PEX5L: variants seen among roughly 807,000 people sequenced by gnomAD.
PEX5L encodes the protein peroxisomal biogenesis factor 5 like, also known as PEX5-related protein.
PEX5L carries 30 observed loss-of-function variants against 84.0 expected under a neutral mutation model. The observed-to-expected ratio is 0.36, with a 90% confidence interval of 0.27 to 0.48. The LOEUF is 0.48. PEX5L is among the 20% of genes least tolerant of loss of function. The probability of loss-of-function intolerance (pLI) is 0.99; values close to 1 mark genes in which losing one functional copy is unlikely to be tolerated. For missense variants in PEX5L, 533 were observed against 754.6 expected (o/e 0.71, Z 3.44); for synonymous variants, 270 against 283.1 (o/e 0.95, Z 0.46).
intron 2 of PEX5L, among the ~76,000 whole-genome samples, chr3:179,961,348 A>C (rs1424875483): frequency 8.3e-6 from 1 of 120,316 alleles, no homozygotes; most frequent in Non-Finnish European, 1.7e-5. Context: ...GAGAAAAGGA[A>C]GAAAGCAATG....
chr3:179,845,462 T>G (rs1326836001), intron 8 of PEX5L, among the ~76,000 whole-genome samples: 1 of 152,210 alleles, frequency 6.6e-6, no homozygotes, highest in Non-Finnish European at 1.5e-5. Flanking sequence ...CCATTAAAGG[T>G]AGCTCTGCCC....
intron 10 of PEX5L, among the ~76,000 whole-genome samples, chr3:179,814,234 C>T (rs1725169129): frequency 6.6e-6 from 1 of 152,194 alleles, no homozygotes; most frequent in Admixed American, 6.5e-5. Flanking sequence ...GATCAGTTTA[C>T]TCATTCTTCC....
At chr3:179,838,122 T>C (rs1232855792) in intron 8 of PEX5L, among the ~76,000 whole-genome samples, 1 of 152,244 alleles carries the variant, frequency 6.6e-6, no homozygotes, top group African/African-American at 2.4e-5. Flanking sequence ...TCAAGAATAA[T>C]CTTAAAATGT....
intron 8 of PEX5L, among the ~76,000 whole-genome samples, chr3:179,853,262 AG>A (rs1742628493): frequency 6.6e-6 from 1 of 152,218 alleles, no homozygotes; most frequent in Admixed American, 6.5e-5. Flanking sequence ...GAAGCAGCTA[AG>A]GCATGTCTGA....
chr3:179,889,101 A>G (rs1474559565), intron 3 of PEX5L, among the ~76,000 whole-genome samples: 1 of 152,062 alleles, frequency 6.6e-6, no homozygotes, highest in Non-Finnish European at 1.5e-5. Flanking sequence ...TTAAGAACTT[A>G]TTTGTTAAGT....
At chr3:179,803,552 GC>G (rs1303599435) in intron 14 of PEX5L, among the ~76,000 whole-genome samples, 1 of 152,172 alleles carries the variant, frequency 6.6e-6, no homozygotes. Context: ...TGCTGGGTCT[GC>G]CCTCTTCAGC....
chr3:180,012,708 GAAT>G (rs1462017816), intron 1 of PEX5L, among the ~76,000 whole-genome samples: 1 of 151,866 alleles, frequency 6.6e-6, no homozygotes, highest in Non-Finnish European at 1.5e-5. Context: ...ATATACAAGA[GAAT>G]AATAAATTCC....
At position 179,933,440 on chromosome 3, in the gene PEX5L, A is replaced by G. The variant is rs901650622; in HGVS notation, c.94-35194T>C. ...ACTGGAGATAATGGAGTCATATACA[A>G]TTCTCTTTTTTTTTTGAGAAAACTA... On this transcript the variant is annotated intron_variant, in intron 2 of 14. Transcript: ENST00000467460. Among the ~76,000 whole-genome samples the G allele has an allele frequency of 3.6e-5, 3 of 83,354 alleles. No homozygotes were observed. In the East Asian group the frequency reaches 1.1e-3, roughly 31 times the overall value. 54.7% of individuals were successfully genotyped at this position (83,354 alleles called of 152,430 possible). A position where few individuals can be genotyped will look rare whatever the true frequency, so the allele number is the denominator to read the frequency against.
intron 9 of PEX5L, among the ~76,000 whole-genome samples, chr3:179,818,238 T>C (rs1310331247): frequency 1.3e-5 from 2 of 151,950 alleles, no homozygotes; most frequent in African/African-American, 2.4e-5. Flanking sequence ...TATATACTTA[T>C]CTATATATAG....
intron 8 of PEX5L, among the ~76,000 whole-genome samples, chr3:179,833,965 TCTA>T (rs1322744025): frequency 6.6e-6 from 1 of 152,124 alleles, no homozygotes; most frequent in Non-Finnish European, 1.5e-5. Context: ...CTTCCAAGTA[TCTA>T]GGGCCACAGG....
intron 1 of PEX5L, among the ~76,000 whole-genome samples, chr3:180,027,957 T>C (rs1033026526): frequency 2.6e-5 from 4 of 152,214 alleles, no homozygotes; most frequent in African/African-American, 9.6e-5. Flanking sequence ...ATTACCTGAG[T>C]GACGCTGTCT....
intron 8 of PEX5L, among the ~76,000 whole-genome samples, chr3:179,855,843 G>A (rs1743719864): frequency 6.6e-6 from 1 of 152,148 alleles, no homozygotes; most frequent in South Asian, 2.1e-4. Context: ...AAATCTGTTG[G>A]CAACTTGATC....
intron 1 of PEX5L, chr3:179,973,442 C>T (rs924112437): frequency 2.7e-6 from 3 of 1,122,616 alleles, no homozygotes; most frequent in Middle Eastern, 5.0e-4. Context: ...ATGAAAATTT[C>T]TTTTTCTAAC....
chr3:179,840,479 G>A (rs769478398), intron 8 of PEX5L, among the ~76,000 whole-genome samples: 10 of 152,016 alleles, frequency 6.6e-5, no homozygotes, highest in Non-Finnish European at 8.8e-5. Context: ...GTGACCCACC[G>A]TGCCCAGCCT....
intron 7 of PEX5L, among the ~76,000 whole-genome samples, chr3:179,873,801 C>T (rs1012237332): frequency 6.6e-6 from 1 of 152,122 alleles, no homozygotes; most frequent in African/African-American, 2.4e-5. Flanking sequence ...TACGTGAAGT[C>T]CCTGATACTT....
At chr3:179,836,432 C>A (rs1734944955) in intron 8 of PEX5L, among the ~76,000 whole-genome samples, 1 of 151,968 alleles carries the variant, frequency 6.6e-6, no homozygotes, top group African/African-American at 2.4e-5. Context: ...TATACTAGGC[C>A]CAAGAGACCA....
chr3:179,928,668 T>C (rs1772172969), intron 2 of PEX5L, among the ~76,000 whole-genome samples: 1 of 152,210 alleles, frequency 6.6e-6, no homozygotes, highest in South Asian at 2.1e-4. Context: ...GGAAGCACAG[T>C]TCTGTGTTAG....
intron 8 of PEX5L, among the ~76,000 whole-genome samples, chr3:179,836,939 T>C (rs978064442): frequency 9.2e-5 from 14 of 152,146 alleles, no homozygotes; most frequent in Non-Finnish European, 1.5e-4. Flanking sequence ...TCAGGCCAAG[T>C]TTGATGAGAC....
At chr3:179,933,505 C>G (rs1773692723) in intron 2 of PEX5L, among the ~76,000 whole-genome samples, 1 of 152,058 alleles carries the variant, frequency 6.6e-6, no homozygotes, top group African/African-American at 2.4e-5. Context: ...AAAAAGCCAG[C>G]ACTTTAACTG....
Sources: allele counts gnomAD v4.1 joint callset (sites outside exome capture counted in the v4.1 genomes callset), GRCh38; gene constraint gnomAD v4.1.1; transcripts MANE v1.5; gene names NCBI Gene and HGNC (gene_info 2026-07-23, HGNC 2026-07-21).